The following RBMS1 variants were observed in gnomAD, a reference collection of about 807,000 sequenced individuals.
RBMS1 encodes RNA-binding motif, single-stranded-interacting protein 1.
RBMS1 carries 17 observed loss-of-function variants against 62.3 expected under a neutral mutation model. The ratio of observed to expected loss-of-function variants is 0.27; its 90% CI spans 0.19 to 0.41. The LOEUF is 0.41. RBMS1 is among the 10% of genes least tolerant of loss of function. The pLI is 1.00. For synonymous variants in RBMS1, 172 were observed against 170.0 expected (o/e 1.01, Z -0.09); for missense variants, 334 against 504.5 (o/e 0.66, Z 3.24).
chr2:160,432,090 G>A (rs1257500409), intron 1 of RBMS1, among the ~76,000 whole-genome samples: 4 of 152,026 alleles, frequency 2.6e-5, no homozygotes, highest in African/African-American at 4.8e-5. Flanking sequence ...TATATTTAAA[G>A]AATTTAAAAA....
intron 2 of RBMS1, among the ~76,000 whole-genome samples, chr2:160,326,821 A>C (rs1224808019): frequency 6.6e-6 from 1 of 152,218 alleles, no homozygotes; most frequent in African/African-American, 2.4e-5. Context: ...TTCTTTGAAG[A>C]AGTCTTAAAT....
intron 1 of RBMS1, among the ~76,000 whole-genome samples, chr2:160,438,487 T>C (rs1683214449): frequency 6.6e-6 from 1 of 152,094 alleles, no homozygotes; most frequent in South Asian, 2.1e-4. Flanking sequence ...CCTTCAAGCA[T>C]CTGTTTAACA....
chr2:160,389,350 G>T (rs997068540), intron 1 of RBMS1, among the ~76,000 whole-genome samples: 1 of 152,178 alleles, frequency 6.6e-6, no homozygotes, highest in African/African-American at 2.4e-5. Context: ...AGTGCTCAAA[G>T]ATATTAAACA....
At chr2:160,474,438 T>C (rs755166516) in intron 1 of RBMS1, among the ~76,000 whole-genome samples, 6 of 152,212 alleles carry the variant, frequency 3.9e-5, no homozygotes, top group African/African-American at 1.4e-4. Flanking sequence ...CTGATATGAC[T>C]GCAAGATCAT....
chr2:160,439,172 G>C (rs1055314845), intron 1 of RBMS1, among the ~76,000 whole-genome samples: 3 of 151,098 alleles, frequency 2.0e-5, no homozygotes, highest in African/African-American at 7.3e-5. Context: ...TCCCGGACGG[G>C]GCGGCTGGCC....
intron 2 of RBMS1, among the ~76,000 whole-genome samples, chr2:160,331,377 C>G (rs183271328): frequency 2.0e-5 from 3 of 152,276 alleles, no homozygotes; most frequent in Admixed American, 2.0e-4. Flanking sequence ...ATTTTCCGAC[C>G]TTCCCTGGCT....
At chr2:160,478,073 T>G (rs543225476) in intron 1 of RBMS1, among the ~76,000 whole-genome samples, 15 of 152,372 alleles carry the variant, frequency 9.8e-5, no homozygotes, top group Non-Finnish European at 1.8e-4. Flanking sequence ...CTGCATGCTG[T>G]CTACAAAGGC....
intron 1 of RBMS1, among the ~76,000 whole-genome samples, chr2:160,483,426 C>T (rs1685451734): frequency 6.6e-6 from 1 of 152,132 alleles, no homozygotes; most frequent in Admixed American, 6.5e-5. Flanking sequence ...AGTATTACAT[C>T]ATGTCTATGG....
At chr2:160,472,299 A>G (rs1249003904) in intron 1 of RBMS1, among the ~76,000 whole-genome samples, 2 of 152,210 alleles carry the variant, frequency 1.3e-5, no homozygotes, top group Non-Finnish European at 2.9e-5. Flanking sequence ...CAATACCTAC[A>G]TTAAAAATAT....
At chr2:160,323,620 A>C (rs944740975) in intron 2 of RBMS1, among the ~76,000 whole-genome samples, 3 of 151,754 alleles carry the variant, frequency 2.0e-5, no homozygotes, top group Non-Finnish European at 2.9e-5. Flanking sequence ...AAGAAAAAAA[A>C]AAAAAAAAAA....
chr2:160,407,917 C>G (rs1695846754), intron 1 of RBMS1: 1 of 980,434 alleles, frequency 1.0e-6, no homozygotes, highest in African/African-American at 1.8e-5. Flanking sequence ...AGCGCGCCGG[C>G]CGGGGGCGGG....
At chr2:160,284,483 T>C in intron 9 of RBMS1, 2 of 395,940 alleles carry the variant, frequency 5.1e-6, no homozygotes, top group Non-Finnish European at 9.4e-6. Context: ...TTGGGACACA[T>C]GGTGTCCAAA....
At chr2:160,339,514 G>GC (rs1292589224) in intron 2 of RBMS1, among the ~76,000 whole-genome samples, 1 of 152,112 alleles carries the variant, frequency 6.6e-6, no homozygotes, top group African/African-American at 2.4e-5. Flanking sequence ...TCTGGGAAAA[G>GC]CATCTGTAAA....
Position 160,278,305 on chromosome 2 carries a change from G to C in RBMS1, c.1062+243C>G, listed in dbSNP as rs1161186096. The C allele has an allele frequency of 5.6e-6, 3 of 533,692 alleles. No individual in the cohort carries two copies. The African/African-American group carries it at 5.8e-5, about 10-fold the overall frequency. 33.1% of individuals were successfully genotyped at this position (533,692 alleles called of 1,614,324 possible). ...AGATGACACTAGTCATAAAAGGCTA[G>C]ATGTGGTCACGTGTGGGTGCTATAT... On this transcript the variant is annotated intron_variant, in intron 11 of 13. Coordinates refer to ENST00000348849, the MANE Select transcript of RBMS1 (RefSeq NM_016836.4).
At chr2:160,359,794 T>A (rs1693023974) in intron 2 of RBMS1, among the ~76,000 whole-genome samples, 1 of 152,188 alleles carries the variant, frequency 6.6e-6, no homozygotes. Flanking sequence ...GATTATTTAA[T>A]TTCAGGGTGG....
At chr2:160,400,737 A>T (rs1214701560) in intron 1 of RBMS1, among the ~76,000 whole-genome samples, 5 of 152,166 alleles carry the variant, frequency 3.3e-5, no homozygotes, top group Non-Finnish European at 7.3e-5. Flanking sequence ...AAATATGTAT[A>T]AAAAATAGGA....
chr2:160,321,487 T>C (rs1341740331), intron 2 of RBMS1, among the ~76,000 whole-genome samples: 2 of 152,346 alleles, frequency 1.3e-5, no homozygotes, highest in African/African-American at 2.4e-5. Flanking sequence ...TGTGTGTGTA[T>C]GTGTTTTTTT....
At chr2:160,361,670 T>C (rs1483904299) in intron 2 of RBMS1, among the ~76,000 whole-genome samples, 3 of 152,226 alleles carry the variant, frequency 2.0e-5, no homozygotes, top group Non-Finnish European at 2.9e-5. Context: ...AAAAATACTT[T>C]ATTAGCCAGG....
At position 160,493,324 on chromosome 2, in the gene RBMS1, C is replaced by T. The variant is rs946168355; in HGVS notation, c.40G>A (p.Ala14Thr). The T allele has an allele frequency of 1.9e-6, 3 of 1,613,470 alleles. No individual in the cohort carries two copies. Among genetic ancestry groups the T allele is most frequent in the African/African-American group, 2.7e-5 (2 of 75,006 alleles). The change falls in exon 1 of 14, where the codon GCC becomes ACC. Residue 14 changes from alanine to threonine, a missense_variant. Ala to Thr is a moderately conservative substitution (Grantham distance 58, BLOSUM62 0). Coordinates refer to ENST00000348849, the MANE Select transcript of RBMS1 (RefSeq NM_016836.4). ...AGATACTGGGGGTAATAGTAGGTGG[C>T]GTACTGAGGGTACATCTGCTGTTTC... ...VWKQQMYPQY[A>T]TYYYPQYLQA... is the part of the protein sequence containing the mutation.
Sources: gnomAD v4.1 joint callset for allele counts (sites outside exome capture counted in the v4.1 genomes callset) on GRCh38, gnomAD v4.1.1 for gene constraint, MANE v1.5 for transcripts, NCBI Gene and HGNC (gene_info 2026-07-23, HGNC 2026-07-21) for gene names.